The following KHDRBS2 variants were observed in gnomAD, a reference collection of about 807,000 sequenced individuals.
KHDRBS2 encodes the protein KH domain-containing, RNA-binding, signal transduction-associated protein 2.
Under a neutral mutation model 44.3 loss-of-function variants are expected in KHDRBS2, and 26 were observed. That is an observed-to-expected ratio of 0.59 (90% CI 0.43 to 0.81). The LOEUF is 0.81. KHDRBS2 is among the 40% of genes least tolerant of loss of function. The probability of loss-of-function intolerance (pLI) is 0.00; values close to 1 mark genes in which losing one functional copy is unlikely to be tolerated. For synonymous variants in KHDRBS2, 194 were observed against 151.1 expected, an observed-to-expected ratio of 1.28 and a Z score of -2.08; for missense variants, 476 against 433.1, an observed-to-expected ratio of 1.10 and a Z score of -0.88.
intron 6 of KHDRBS2, among the ~76,000 whole-genome samples, chr6:61,817,595 G>T (rs1253701017): frequency 6.6e-6 from 1 of 152,020 alleles, no homozygotes; most frequent in Non-Finnish European, 1.5e-5. Flanking sequence ...CTTCGATTTT[G>T]GAGAGAATTT....
intron 4 of KHDRBS2, among the ~76,000 whole-genome samples, chr6:61,928,217 T>C (rs2127364468): frequency 6.6e-6 from 1 of 152,236 alleles, no homozygotes; most frequent in South Asian, 2.1e-4. Context: ...AAATGCAGCA[T>C]ATAATGCAAC....
intron 6 of KHDRBS2, among the ~76,000 whole-genome samples, chr6:61,810,899 C>T (rs1788014711): frequency 1.3e-5 from 2 of 152,030 alleles, no homozygotes; most frequent in Non-Finnish European, 2.9e-5. Context: ...TTCTTACTCC[C>T]TAGTCCTATT....
At chr6:61,675,869 G>A (rs112344083), downstream of KHDRBS2, among the ~76,000 whole-genome samples, 9,010 of 151,814 alleles carry the variant, frequency 0.059, 403 homozygotes, top group Non-Finnish European at 0.089. Flanking sequence ...AAGAGTTAGA[G>A]CATTATCTGA....
chr6:61,600,324 A>G, the KHDRBS2 span, among the ~76,000 whole-genome samples: 1 of 152,102 alleles, frequency 6.6e-6, no homozygotes, highest in Admixed American at 6.5e-5. Context: ...ACAGTCCACC[A>G]CAAAAGAAGT....
chr6:61,603,104 C>T, the KHDRBS2 span, among the ~76,000 whole-genome samples: 475 of 152,278 alleles, frequency 3.1e-3, no homozygotes, highest in Middle Eastern at 6.8e-3. Context: ...TCCCATCCCA[C>T]AGCATGCTTT....
At chr6:61,783,030 G>A (rs1027099397) in intron 6 of KHDRBS2, among the ~76,000 whole-genome samples, 4 of 151,748 alleles carry the variant, frequency 2.6e-5, no homozygotes, top group African/African-American at 9.7e-5. Context: ...TGTATACTGC[G>A]CACCATGAGG....
intron 2 of KHDRBS2, among the ~76,000 whole-genome samples, chr6:62,115,839 TAA>T (rs1806092325): frequency 6.6e-6 from 1 of 151,994 alleles, no homozygotes; most frequent in South Asian, 2.1e-4. Context: ...AGAAATCATA[TAA>T]AACAAAAATT....
intron 4 of KHDRBS2, among the ~76,000 whole-genome samples, chr6:61,917,556 T>C (rs1375628213): frequency 6.6e-6 from 1 of 151,944 alleles, no homozygotes; most frequent in Non-Finnish European, 1.5e-5. Flanking sequence ...TATGATACTA[T>C]AATTGCAGAT....
intron 6 of KHDRBS2, among the ~76,000 whole-genome samples, chr6:61,768,949 G>T (rs1402965308): frequency 3.3e-5 from 5 of 152,006 alleles, no homozygotes; most frequent in Admixed American, 6.6e-5. Context: ...TTGATTCAAA[G>T]TATATCTGTA....
intron 3 of KHDRBS2, among the ~76,000 whole-genome samples, chr6:62,044,683 C>CTT (rs1411165076): frequency 2.6e-5 from 4 of 151,960 alleles, no homozygotes. Context: ...CCGACCCAGG[C>CTT]TTTGTAAAGC....
At chr6:62,227,375 T>C (rs538390049) in intron 1 of KHDRBS2, among the ~76,000 whole-genome samples, 1 of 152,334 alleles carries the variant, frequency 6.6e-6, no homozygotes, top group South Asian at 2.1e-4. Context: ...GTGATTTTTT[T>C]ATCCTGAGAC....
chr6:61,975,219 A>C (rs933322781), intron 4 of KHDRBS2, among the ~76,000 whole-genome samples: 3 of 152,134 alleles, frequency 2.0e-5, no homozygotes, highest in Non-Finnish European at 4.4e-5. Context: ...CAAGAGGTAG[A>C]AGAAGGTAAA....
intron 6 of KHDRBS2, among the ~76,000 whole-genome samples, chr6:61,800,589 T>A (rs1786097463): frequency 6.6e-6 from 1 of 152,130 alleles, no homozygotes; most frequent in Non-Finnish European, 1.5e-5. Context: ...GTCTTGTTTT[T>A]AGGATCTTCC....
intron 2 of KHDRBS2, among the ~76,000 whole-genome samples, chr6:62,125,679 C>A (rs919303691): frequency 6.6e-6 from 1 of 152,124 alleles, no homozygotes; most frequent in Non-Finnish European, 1.5e-5. Flanking sequence ...GCACTGGACA[C>A]AATCCTGAGG....
At chr6:62,152,493 T>C (rs572352647) in intron 2 of KHDRBS2, among the ~76,000 whole-genome samples, 7 of 152,262 alleles carry the variant, frequency 4.6e-5, no homozygotes, top group African/African-American at 1.7e-4. Flanking sequence ...AGAGAAGGCA[T>C]TGTTTTAGTT....
chr6:62,274,498 T>C lies in KHDRBS2; in HGVS notation c.91+11360A>G, dbSNP rs148096054. Among the ~76,000 whole-genome samples, 349 of 152,316 alleles carry C rather than the reference T, an allele frequency of 2.3e-3. 1 individual carries two copies. The highest frequency in any genetic ancestry group is 7.6e-3 in the African/African-American group (316 of 41,566). Reference sequence around the variant, plus strand: ...TCTAGACACACTCTTCTTGATTCTTTCTCCTTTACTATGTCTCCAATGATG... The same window carrying C: ...TCTAGACACACTCTTCTTGATTCTTCCTCCTTTACTATGTCTCCAATGATG... On this transcript the variant is annotated intron_variant, in intron 1 of 8. Transcript: ENST00000281156.
intron 6 of KHDRBS2, among the ~76,000 whole-genome samples, chr6:61,820,330 C>T (rs554856212): frequency 1.9e-4 from 29 of 151,838 alleles, no homozygotes; most frequent in Non-Finnish European, 4.0e-4. Context: ...GTAAGTGTAA[C>T]CAAAATCACT....
At chr6:62,132,965 G>C (rs1027323965) in intron 2 of KHDRBS2, among the ~76,000 whole-genome samples, 6 of 152,118 alleles carry the variant, frequency 3.9e-5, no homozygotes, top group Admixed American at 3.3e-4. Context: ...TTTCCATAAA[G>C]GGCCACATAG....
chr6:61,837,312 T>C (rs765702844), intron 6 of KHDRBS2, among the ~76,000 whole-genome samples: 1 of 152,014 alleles, frequency 6.6e-6, no homozygotes, highest in Non-Finnish European at 1.5e-5. Context: ...ATATGAATGA[T>C]TTTGCATGCT....
Sources: gnomAD v4.1 joint callset for allele counts (sites outside exome capture counted in the v4.1 genomes callset) on GRCh38, gnomAD v4.1.1 for gene constraint, MANE v1.5 for transcripts, NCBI Gene and HGNC (gene_info 2026-07-23, HGNC 2026-07-21) for gene names.